The following PLEKHG1 variants were observed in gnomAD, a reference collection of about 807,000 sequenced individuals.
PLEKHG1 encodes the protein pleckstrin homology domain-containing family G member 1.
Under a neutral mutation model 100.8 loss-of-function variants are expected in PLEKHG1, and 44 were observed. The ratio of observed to expected loss-of-function variants is 0.44; its 90% CI spans 0.34 to 0.56. The LOEUF (loss-of-function observed/expected upper bound fraction) is 0.56, where lower values mean the gene tolerates loss of function less well. PLEKHG1 is among the 20% of genes least tolerant of loss of function. PLEKHG1 has a pLI of 0.01. For synonymous variants in PLEKHG1, 640 were observed against 662.5 expected, an observed-to-expected ratio of 0.97 and a Z score of 0.52; for missense variants, 1,545 against 1,720.9, an observed-to-expected ratio of 0.90 and a Z score of 1.81.
intron 3 of PLEKHG1, among the ~76,000 whole-genome samples, chr6:150,702,551 T>G (rs1360198028): frequency 1.8e-5 from 2 of 114,134 alleles, no homozygotes; most frequent in African/African-American, 6.0e-5. Context: ...TCTCATTTTG[T>G]TTTGGGGTGT....
chr6:150,620,823 A>G (rs1306300375), intron 1 of PLEKHG1, among the ~76,000 whole-genome samples: 2 of 152,232 alleles, frequency 1.3e-5, no homozygotes, highest in African/African-American at 2.4e-5. Flanking sequence ...ATTACAAACA[A>G]GGGAACATCA....
intron 2 of PLEKHG1, among the ~76,000 whole-genome samples, chr6:150,642,632 G>A (rs1465507255): frequency 2.0e-5 from 3 of 152,226 alleles, no homozygotes; most frequent in African/African-American, 4.8e-5. Context: ...ACTGGCTAAA[G>A]GTCCTGTGAT....
intron 10 of PLEKHG1, among the ~76,000 whole-genome samples, chr6:150,815,283 T>C (rs777700988): frequency 1.1e-4 from 16 of 152,132 alleles, no homozygotes; most frequent in Non-Finnish European, 1.9e-4. Context: ...CCAGCTGCCT[T>C]CCGTTCTTTT....
At chr6:150,647,887 CT>C in intron 2 of PLEKHG1, among the ~76,000 whole-genome samples, 1 of 152,076 alleles carries the variant, frequency 6.6e-6, no homozygotes, top group East Asian at 1.9e-4. Flanking sequence ...TGTAAAAGCC[CT>C]CTTGCTGTTC....
intron 1 of PLEKHG1, among the ~76,000 whole-genome samples, chr6:150,603,060 C>G (rs548155689): frequency 8.5e-6 from 1 of 118,162 alleles, no homozygotes; most frequent in East Asian, 2.6e-4. Flanking sequence ...CCAACCTGGG[C>G]GACAGCGAGA....
At chr6:150,677,926 T>C (rs566874420) in intron 3 of PLEKHG1, among the ~76,000 whole-genome samples, 11 of 149,872 alleles carry the variant, frequency 7.3e-5, no homozygotes, top group African/African-American at 2.7e-4. Flanking sequence ...TATTATATTA[T>C]GCATAAAGGC....
At chr6:150,720,506 A>G (rs1350872322), upstream of PLEKHG1, among the ~76,000 whole-genome samples, 1 of 152,196 alleles carries the variant, frequency 6.6e-6, no homozygotes, top group Non-Finnish European at 1.5e-5. Flanking sequence ...TTTAAATGTC[A>G]GCCTTAAATG....
At chr6:150,676,016 C>T (rs941233418) in intron 3 of PLEKHG1, among the ~76,000 whole-genome samples, 1 of 150,258 alleles carries the variant, frequency 6.7e-6, no homozygotes, top group African/African-American at 2.5e-5. Context: ...TATAATATAT[C>T]ACAGTGAACT....
chr6:150,734,037 A>G, exon 2 of PLEKHG1: 1 of 1,614,104 alleles, frequency 6.2e-7, no homozygotes, highest in Non-Finnish European at 8.5e-7. Context: ...AGAGTTGTTC[A>G]GGAAATTCTG....
chr6:150,831,382 C>T lies in PLEKHG1; in HGVS notation c.2271C>T (p.Cys757=), dbSNP rs1776920311. 1.2e-6 allele frequency: 2 copies of T among 1,614,010 alleles called. No homozygotes were observed. Among genetic ancestry groups the T allele is most frequent in the Non-Finnish European group, 1.7e-6 (2 of 1,180,032 alleles). ...ATCCTCCGTCGCTGGGTTTTAAGTG[C>T]AGCAGCCTAAAGCGTGCAAAGCGGA... Residue 757 remains cysteine, a synonymous_variant, in exon 15 of 16, where the codon TGC becomes TGT. Transcript: ENST00000358517. The surrounding 1 kb of genome is among the most constrained non-coding windows in gnomAD (Gnocchi z 4.1).
chr6:150,779,589 G>A (rs1388529962), intron 3 of PLEKHG1, among the ~76,000 whole-genome samples: 10 of 151,450 alleles, frequency 6.6e-5, no homozygotes, highest in African/African-American at 1.9e-4. Context: ...CAGGTGATCC[G>A]CCCGCCTCGG....
intron 3 of PLEKHG1, chr6:150,663,168 A>T (rs1332735027): frequency 2.0e-5 from 3 of 152,224 alleles, no homozygotes; most frequent in Non-Finnish European, 4.4e-5. Context: ...TTGTAGGTTC[A>T]TTCAGACCTG....
intron 3 of PLEKHG1, among the ~76,000 whole-genome samples, chr6:150,694,681 C>G (rs1780476313): frequency 7.4e-6 from 1 of 135,890 alleles, no homozygotes. Flanking sequence ...GCCTGGGCAA[C>G]AGTGAGACTC....
At chr6:150,704,886 A>T (rs1037354487) in intron 3 of PLEKHG1, among the ~76,000 whole-genome samples, 3 of 152,188 alleles carry the variant, frequency 2.0e-5, no homozygotes, top group African/African-American at 7.2e-5. Context: ...GTATTCTCAC[A>T]TAGGCTTTTG....
intron 1 of PLEKHG1, among the ~76,000 whole-genome samples, chr6:150,619,422 G>A (rs946542616): frequency 6.6e-6 from 1 of 152,114 alleles, no homozygotes; most frequent in Non-Finnish European, 1.5e-5. Context: ...TCTTTCTGAT[G>A]TCCATCATCC....
intron 3 of PLEKHG1, among the ~76,000 whole-genome samples, chr6:150,687,154 G>A (rs988345787): frequency 6.6e-6 from 1 of 152,134 alleles, no homozygotes; most frequent in Non-Finnish European, 1.5e-5. Context: ...CTTGTGGGAG[G>A]TCTATTTTCC....
At chr6:150,740,450 G>A (rs1017684303) in intron 2 of PLEKHG1, among the ~76,000 whole-genome samples, 2 of 152,172 alleles carry the variant, frequency 1.3e-5, no homozygotes, top group South Asian at 2.1e-4. Context: ...TTGAGAAGAG[G>A]GGAATTGTCG....
chr6:150,784,589 G>A (rs1321889389), intron 3 of PLEKHG1, among the ~76,000 whole-genome samples: 1 of 152,172 alleles, frequency 6.6e-6, no homozygotes, highest in Non-Finnish European at 1.5e-5. Context: ...CTATCATTAG[G>A]ATGGTGTTGA....
chr6:150,748,310 A>G (rs992121399), intron 2 of PLEKHG1, among the ~76,000 whole-genome samples: 1 of 152,290 alleles, frequency 6.6e-6, no homozygotes, highest in East Asian at 1.9e-4. Context: ...GTTACCTCCA[A>G]TGGCATGGGA....
Sources: allele counts gnomAD v4.1 joint callset (sites outside exome capture counted in the v4.1 genomes callset), GRCh38; gene constraint gnomAD v4.1.1; non-coding constraint Gnocchi (gnomAD v3.1); transcripts MANE v1.5; gene names NCBI Gene and HGNC (gene_info 2026-07-23, HGNC 2026-07-21).